DIAPH1: variants seen among roughly 807,000 people sequenced by gnomAD.
DIAPH1 encodes protein diaphanous homolog 1.
A neutral mutation model predicts 140.7 loss-of-function variants in DIAPH1; 46 were observed. That is an observed-to-expected ratio of 0.33 (90% CI 0.26 to 0.42). The LOEUF is 0.42. Ranked by LOEUF, DIAPH1 falls within the 10% of genes least tolerant of loss-of-function variation. The pLI is 1.00. For missense variants in DIAPH1, 1,310 were observed against 1,558.7 expected (o/e 0.84, Z 2.69); for synonymous variants, 565 against 551.6 (o/e 1.02, Z -0.34).
chr5:141,614,894 T>C (rs1217108462), intron 1 of DIAPH1, among the ~76,000 whole-genome samples: 1 of 152,206 alleles, frequency 6.6e-6, no homozygotes, highest in African/African-American at 2.4e-5. Context: ...TCTGTATATT[T>C]TTCAGTTTTC....
At chr5:141,594,516 T>G (rs1287363078) in intron 1 of DIAPH1, among the ~76,000 whole-genome samples, 2 of 152,050 alleles carry the variant, frequency 1.3e-5, no homozygotes, top group Non-Finnish European at 2.9e-5. Flanking sequence ...CTGAGACGGG[T>G]GGGTTACTTG....
intron 7 of DIAPH1, 100 bp downstream of exon 7, chr5:141,582,196 AAGAGAAAGCTAGAAGT>A (rs2099896886): frequency 2.5e-6 from 2 of 791,234 alleles, no homozygotes; most frequent in African/African-American, 3.4e-5. Flanking sequence ...ATGATACTAA[AAGAGAAAGCTAGAAGT>A]CCTGAACCTC....
chr5:141,600,565 G>C (rs2099899991), intron 1 of DIAPH1, among the ~76,000 whole-genome samples: 1 of 152,108 alleles, frequency 6.6e-6, no homozygotes, highest in Non-Finnish European at 1.5e-5. Context: ...TTTATTTCTG[G>C]CTTCCTAGAA....
chr5:141,547,669 A>G (rs1432771010), intron 18 of DIAPH1, among the ~76,000 whole-genome samples: 3 of 152,144 alleles, frequency 2.0e-5, no homozygotes, highest in Non-Finnish European at 4.4e-5. Context: ...TGGACAAGTG[A>G]GACACATTGA....
intron 1 of DIAPH1, among the ~76,000 whole-genome samples, chr5:141,610,729 C>A (rs563810573): frequency 6.6e-6 from 1 of 152,058 alleles, no homozygotes; most frequent in South Asian, 2.1e-4. Flanking sequence ...GGATTACAGA[C>A]ATGAGCCACC....
At chr5:141,556,666 A>G (rs1018349029) in intron 18 of DIAPH1, among the ~76,000 whole-genome samples, 1 of 152,162 alleles carries the variant, frequency 6.6e-6, no homozygotes, top group Non-Finnish European at 1.5e-5. Flanking sequence ...TCTCAGTCCC[A>G]ACCTGAGAGA....
intron 1 of DIAPH1, among the ~76,000 whole-genome samples, chr5:141,596,125 C>A (rs1369610718): frequency 2.0e-5 from 3 of 152,164 alleles, no homozygotes; most frequent in East Asian, 3.9e-4. Flanking sequence ...GTCAGGAGAT[C>A]GAGACCATCC....
chr5:141,524,260 C>T, intron 26 of DIAPH1, 31 bp from the exon 27 acceptor site: 1 of 1,595,186 alleles, frequency 6.3e-7, no homozygotes, highest in Non-Finnish European at 8.6e-7. Flanking sequence ...GAGATGTGAA[C>T]TCTTCAGCCA....
rs931286798 is a variant in DIAPH1 at position 141,573,890 on chromosome 5, G to A, written c.1960C>T (p.Pro654Ser). 7.1e-6 allele frequency: 11 copies of A among 1,546,340 alleles called. No individual in the cohort carries two copies. Among genetic ancestry groups the A allele is most frequent in the Non-Finnish European group, 8.7e-6 (10 of 1,145,170 alleles). Residue 654 changes from proline to serine, a missense_variant, in exon 16 of 28, where the codon CCC (proline) becomes TCC (serine). This residue lies in a region of DIAPH1 where 589 missense variants were observed against 549.3 expected (regional missense o/e 1.07). Coordinates refer to ENST00000389054, the MANE Select transcript of DIAPH1 (RefSeq NM_005219.5). ...CCAACACCCTCAGGCAAAGGAGGGG[G>A]TGGAGGGATGGTAGCATCCCCAGAC... is the stretch of plus-strand genomic sequence containing the variant. ...PLSGDATIPPPPPLPEGVGIP... is the reference protein window; with the variant it reads ...PLSGDATIPPSPPLPEGVGIP...
At chr5:141,532,767 T>C (rs2099888425) in intron 19 of DIAPH1, among the ~76,000 whole-genome samples, 2 of 152,188 alleles carry the variant, frequency 1.3e-5, no homozygotes, top group South Asian at 2.1e-4. Flanking sequence ...GACCATCCTA[T>C]CCTATACTAC....
intron 16 of DIAPH1, among the ~76,000 whole-genome samples, chr5:141,572,365 GCTAA>G (rs2099895315): frequency 6.6e-6 from 1 of 152,074 alleles, no homozygotes; most frequent in African/African-American, 2.4e-5. Context: ...CACCAGTTTG[GCTAA>G]CTGTGCCAAA....
Position 141,587,026 on chromosome 5 carries a change from G to A in DIAPH1, c.300+16C>T, listed in dbSNP as rs1596392305. On this transcript the variant is annotated intron_variant, in intron 3 of 27. Coordinates refer to ENST00000389054, the MANE Select transcript of DIAPH1 (RefSeq NM_005219.5). ...ATGCACAGGAAGAAGCAACATTTTGGGAATGGGAAACTTACCAGCATCTGT... is the reference window on the plus strand; with the variant it reads ...ATGCACAGGAAGAAGCAACATTTTGAGAATGGGAAACTTACCAGCATCTGT... 2 of 1,613,930 alleles carry A rather than the reference G, an allele frequency of 1.2e-6. No homozygotes were observed. The highest frequency in any genetic ancestry group is 1.7e-6 in the Non-Finnish European group (2 of 1,179,900).
rs930344993 is a variant in DIAPH1, at chr5:141,587,120, T to C, written c.222A>G (p.Ser74=). The C allele has an allele frequency of 5.0e-6, 8 of 1,614,042 alleles. No individual in the cohort carries two copies. In the African/African-American group the frequency reaches 8.0e-5, roughly 16 times the overall value. The change falls in exon 3 of 28, where the codon TCA becomes TCG. Residue 74 remains serine, a synonymous_variant. Transcript: ENST00000389054. The part of the protein sequence containing the change: ...PNSAHRNSSA[S]YGDDPTAQSL... Reference sequence around the variant, plus strand: ...ACTGTGCTGTGGGATCATCCCCATATGATGCAGAAGAATTTCTATGAGCAG... The same window carrying C: ...ACTGTGCTGTGGGATCATCCCCATACGATGCAGAAGAATTTCTATGAGCAG...
intron 1 of DIAPH1, chr5:141,618,597 C>A (rs1204064701): frequency 3.1e-5 from 15 of 481,448 alleles, no homozygotes; most frequent in Non-Finnish European, 7.7e-6. Context: ...GTGGCCGGGG[C>A]AAGAGCCGGG....
chr5:141,573,800 TC>T lies in DIAPH1; in HGVS notation c.2049del (p.Ser684ValfsTer84). 1 of 1,158,230 alleles carries T rather than the reference TC, an allele frequency of 8.6e-7. No homozygotes were observed. Among genetic ancestry groups the T allele is most frequent in the African/African-American group, 2.1e-5 (1 of 46,876 alleles). The allele number at this position is 1,158,230 out of a possible 1,614,324, so 71.7% of individuals were successfully genotyped here. ...GGTGGTGGTGGGGGGATTCTAGCAC[TC>T]CCAGGCAAAGGAGGAGGTGGGGGGA... is the stretch of plus-strand genomic sequence containing the variant. ...TAIPPPPPLP[G>X]SARIPPPPPP... On this transcript the variant is annotated frameshift_variant, in exon 16 of 28. Coordinates refer to ENST00000389054, the MANE Select transcript of DIAPH1 (RefSeq NM_005219.5). LOFTEE classifies it high-confidence loss of function.
chr5:141,605,027 G>A (rs2099900716), intron 1 of DIAPH1, among the ~76,000 whole-genome samples: 1 of 152,078 alleles, frequency 6.6e-6, no homozygotes, highest in Non-Finnish European at 1.5e-5. Context: ...AGAATTTCAT[G>A]CCAAAGTACT....
chr5:141,591,741 A>C (rs2099898512), intron 1 of DIAPH1, among the ~76,000 whole-genome samples: 1 of 100,362 alleles, frequency 1.0e-5, no homozygotes, highest in African/African-American at 4.6e-5. Flanking sequence ...GGAAGATGCC[A>C]GTTTCCCTTG....
chr5:141,538,621 CG>C (rs2099889458), intron 18 of DIAPH1, among the ~76,000 whole-genome samples: 1 of 151,924 alleles, frequency 6.6e-6, no homozygotes, highest in Non-Finnish European at 1.5e-5. Flanking sequence ...TTAGTAGAGA[CG>C]GGGTTTCACC....
chr5:141,579,000 T>C (rs2099896358), intron 9 of DIAPH1, 88 bp downstream of exon 9: 13 of 962,894 alleles, frequency 1.4e-5, no homozygotes, highest in South Asian at 1.3e-5. Flanking sequence ...TGGGAGGCAC[T>C]CCATGTATTT....
Sources: gnomAD v4.1 joint callset for allele counts (sites outside exome capture counted in the v4.1 genomes callset) on GRCh38, gnomAD v4.1.1 for gene constraint, gnomAD v4.1.1 regional missense constraint, MANE v1.5 for transcripts, NCBI Gene and HGNC (gene_info 2026-07-23, HGNC 2026-07-21) for gene names.